Variants in DAB1 observed in about 807,000 individuals in gnomAD.
DAB1 encodes the protein disabled homolog 1.
Under a neutral mutation model 64.6 loss-of-function variants are expected in DAB1, and 15 were observed. The ratio of observed to expected loss-of-function variants is 0.23; its 90% CI spans 0.16 to 0.36. DAB1 has a LOEUF of 0.36. Ranked by LOEUF, DAB1 falls within the 10% of genes least tolerant of loss-of-function variation. DAB1 has a pLI of 1.00. For synonymous variants in DAB1, 235 were observed against 251.9 expected (o/e 0.93, Z 0.64); for missense variants, 596 against 706.7 (o/e 0.84, Z 1.78).
chr1:57,500,091 A>G (rs1242395991), intron 7 of DAB1, among the ~76,000 whole-genome samples: 1 of 152,392 alleles, frequency 6.6e-6, no homozygotes, highest in Non-Finnish European at 1.5e-5. Flanking sequence ...AGAGATTTAT[A>G]GTTTGCTTCG....
chr1:57,434,690 A>G (rs1305243550), intron 7 of DAB1, among the ~76,000 whole-genome samples: 1 of 152,210 alleles, frequency 6.6e-6, no homozygotes, highest in African/African-American at 2.4e-5. Flanking sequence ...ATAGCCTACT[A>G]CACACCTAGG....
chr1:58,387,500 A>T (rs867831867), intron 3 of DAB1, among the ~76,000 whole-genome samples: 5 of 152,092 alleles, frequency 3.3e-5, no homozygotes, highest in Admixed American at 6.6e-5. Flanking sequence ...GCTCTTCGGG[A>T]GGTGGTGGGA....
intron 7 of DAB1, among the ~76,000 whole-genome samples, chr1:57,491,320 C>A (rs1014892991): frequency 1.3e-5 from 2 of 151,764 alleles, no homozygotes; most frequent in African/African-American, 2.4e-5. Flanking sequence ...CCCAGCGACT[C>A]GGGAGGCTGA....
At chr1:57,836,751 CT>C (rs1319899380) in intron 1 of DAB1, among the ~76,000 whole-genome samples, 1 of 152,174 alleles carries the variant, frequency 6.6e-6, no homozygotes, top group Non-Finnish European at 1.5e-5. Context: ...GAGATCGTAT[CT>C]TTTTTCCTAT....
chr1:58,157,567 T>C (rs1008307127), intron 4 of DAB1, among the ~76,000 whole-genome samples: 1 of 152,132 alleles, frequency 6.6e-6, no homozygotes, highest in African/African-American at 2.4e-5. Context: ...CACGATGCCT[T>C]GTTTAAGTGC....
chr1:58,360,339 T>C (rs1471071706), intron 3 of DAB1, among the ~76,000 whole-genome samples: 2 of 152,100 alleles, frequency 1.3e-5, no homozygotes, highest in East Asian at 1.9e-4. Context: ...CAGTGGCTGA[T>C]TGTGGGAACA....
At chr1:57,064,001 C>G (rs1650664455) in intron 8 of DAB1, among the ~76,000 whole-genome samples, 1 of 152,152 alleles carries the variant, frequency 6.6e-6, no homozygotes, top group Non-Finnish European at 1.5e-5. Context: ...ATTGGGAGCT[C>G]CTCAAGAGCA....
intron 5 of DAB1, among the ~76,000 whole-genome samples, chr1:58,028,401 C>T (rs1036475233): frequency 6.6e-6 from 1 of 152,216 alleles, no homozygotes. Flanking sequence ...GCTTATCTAA[C>T]TCATGTATTT....
At chr1:57,612,739 C>T (rs750344339) in intron 7 of DAB1, among the ~76,000 whole-genome samples, 1 of 152,126 alleles carries the variant, frequency 6.6e-6, no homozygotes, top group Non-Finnish European at 1.5e-5. Context: ...TTTTGAGCTA[C>T]TAAGTTTGTA....
chr1:57,773,788 A>G (rs1557472580), intron 6 of DAB1, among the ~76,000 whole-genome samples: 1 of 151,752 alleles, frequency 6.6e-6, no homozygotes, highest in Non-Finnish European at 1.5e-5. Flanking sequence ...TGTTTTAGCA[A>G]CTCTGTTGAA....
chr1:57,001,147 G>C (rs945811985), intron 14 of DAB1, among the ~76,000 whole-genome samples: 4 of 152,184 alleles, frequency 2.6e-5, no homozygotes, highest in Non-Finnish European at 5.9e-5. Context: ...TAGACTGTCA[G>C]ACTTAGAGGG....
intron 5 of DAB1, among the ~76,000 whole-genome samples, chr1:57,995,025 T>C (rs1646403430): frequency 6.6e-6 from 1 of 152,166 alleles, no homozygotes. Flanking sequence ...TAGGAGACCT[T>C]GTGCTGGTCC....
chr1:57,567,641 A>T (rs1253655510), intron 7 of DAB1, among the ~76,000 whole-genome samples: 1 of 152,222 alleles, frequency 6.6e-6, no homozygotes, highest in East Asian at 1.9e-4. Flanking sequence ...TAACAGACAA[A>T]CAGAGAGCCA....
rs868666722 is a variant in DAB1 at position 57,285,230 on chromosome 1, T to C, written c.67+5734A>G. Among the ~76,000 whole-genome samples, 4 of 152,254 alleles carry C rather than the reference T, an allele frequency of 2.6e-5. No homozygotes were observed. In the South Asian group the frequency reaches 6.2e-4, roughly 24 times the overall value. ...CCAGACTACATTGCAGACCCCAAGC[T>C]AGCTCTTTACTCACAGTATCTCCCT... On this transcript the variant is annotated intron_variant, in intron 2 of 14. Coordinates refer to ENST00000371236, the MANE Select transcript of DAB1 (RefSeq NM_001365792.1).
chr1:57,731,804 C>CAA lies in DAB1; in HGVS notation n.552-82141_552-82140dup, dbSNP rs34262128. On this transcript the variant is annotated intron_variant and non_coding_transcript_variant, in intron 6 of 20. Coordinates refer to the DAB1 transcript ENST00000485760. ...TGGGTGACAGAGTGAGATGCTGTCT[C>CAA]AAAAAAAAAATAATAATAATAATTG... is the stretch of plus-strand genomic sequence containing the variant. Among the ~76,000 whole-genome samples the CAA allele has an allele frequency of 8.9e-3, 1,321 of 147,686 alleles. 12 individuals are homozygous for CAA. The highest frequency in any genetic ancestry group is 0.027 in the African/African-American group (1,099 of 40,322).
At chr1:57,171,625 G>A (rs6680219) in intron 2 of DAB1, among the ~76,000 whole-genome samples, 48,154 of 152,056 alleles carry the variant, frequency 0.32, 9,342 homozygotes, top group Non-Finnish European at 0.42. Flanking sequence ...GTGCACAGAA[G>A]ATTACTGCAG....
intron 1 of DAB1, among the ~76,000 whole-genome samples, chr1:57,350,952 T>C (rs1236434551): frequency 1.3e-5 from 2 of 152,156 alleles, no homozygotes; most frequent in African/African-American, 4.8e-5. Context: ...AAGAGGCCCC[T>C]GACCTCAAAG....
chr1:57,640,478 G>C (rs1255000871), intron 7 of DAB1, among the ~76,000 whole-genome samples: 1 of 151,988 alleles, frequency 6.6e-6, no homozygotes, highest in Non-Finnish European at 1.5e-5. Context: ...GAATGAGGAG[G>C]GTGACACAAG....
intron 1 of DAB1, among the ~76,000 whole-genome samples, chr1:57,390,393 C>T (rs1437684791): frequency 6.6e-6 from 1 of 152,154 alleles, no homozygotes; most frequent in Non-Finnish European, 1.5e-5. Flanking sequence ...ATAATGTCTA[C>T]GAAAATATTT....
Sources: allele counts gnomAD v4.1 joint callset (sites outside exome capture counted in the v4.1 genomes callset), GRCh38; gene constraint gnomAD v4.1.1; transcripts MANE v1.5; gene names NCBI Gene and HGNC (gene_info 2026-07-23, HGNC 2026-07-21).